CCNY: variants seen among roughly 807,000 people sequenced by gnomAD.
CCNY encodes cyclin Y.
In CCNY, 19 loss-of-function variants were observed where a neutral mutation model predicts 42.8. The observed-to-expected ratio is 0.44, with a 90% CI of 0.31 to 0.65. The LOEUF (loss-of-function observed/expected upper bound fraction) is 0.65, where lower values mean the gene tolerates loss of function less well. CCNY is among the 30% of genes least tolerant of loss of function. The pLI, the probability that CCNY is intolerant of heterozygous loss-of-function variation, is 0.07. For synonymous variants in CCNY, 165 were observed against 162.7 expected (o/e 1.01, Z -0.11); for missense variants, 370 against 437.3 (o/e 0.85, Z 1.37).
rs76025013 is a variant in CCNY, at chr10:35,312,430, C to T, written c.-9+61804C>T. On this transcript the variant is annotated intron_variant, in intron 3 of 11. Transcript: ENST00000374706. ...AAAATGTTAATTAGGTACTTGTAAA[C>T]CCCTGTCTGTGCAAACTAATGCATG... Among the ~76,000 whole-genome samples, 18 of 149,472 alleles carry T rather than the reference C, an allele frequency of 1.2e-4. No homozygotes were observed. In the East Asian group the frequency reaches 3.2e-3, roughly 26 times the overall value.
chr10:35,551,993 C>T (rs1176603288), intron 7 of CCNY, among the ~76,000 whole-genome samples: 2 of 152,082 alleles, frequency 1.3e-5, no homozygotes, highest in Non-Finnish European at 2.9e-5. Flanking sequence ...TAGGATTACC[C>T]TATGATCCAG....
chr10:35,534,974 CATAT>C (rs763722293), intron 7 of CCNY, among the ~76,000 whole-genome samples: 2 of 134,828 alleles, frequency 1.5e-5, no homozygotes, highest in African/African-American at 2.8e-5. Flanking sequence ...CACACACACA[CATAT>C]ATATATATAG....
At chr10:35,562,312 T>G (rs1363983348) in intron 8 of CCNY, among the ~76,000 whole-genome samples, 1 of 152,188 alleles carries the variant, frequency 6.6e-6, no homozygotes, top group East Asian at 1.9e-4. Context: ...TGTAGTAAAA[T>G]GTATGTAGCA....
intron 4 of CCNY, among the ~76,000 whole-genome samples, chr10:35,520,475 C>G (rs1318058050): frequency 1.3e-5 from 2 of 152,266 alleles, no homozygotes; most frequent in East Asian, 3.9e-4. Flanking sequence ...AGTTCAGCTT[C>G]ATGGTGGGCA....
At chr10:35,411,072 A>C (rs752677432) in intron 1 of CCNY, among the ~76,000 whole-genome samples, 5 of 152,194 alleles carry the variant, frequency 3.3e-5, no homozygotes, top group Non-Finnish European at 7.3e-5. Context: ...TTTTGTCAGA[A>C]TACTCTGGCC....
At chr10:35,437,007 G>C (rs759142580) in intron 1 of CCNY, among the ~76,000 whole-genome samples, 1 of 152,188 alleles carries the variant, frequency 6.6e-6, no homozygotes, top group African/African-American at 2.4e-5. Flanking sequence ...CATGTCTTAC[G>C]TGTCAGCAGG....
chr10:35,559,722 G>A (rs1432666213), intron 8 of CCNY, among the ~76,000 whole-genome samples: 1 of 152,222 alleles, frequency 6.6e-6, no homozygotes, highest in Non-Finnish European at 1.5e-5. Flanking sequence ...TGTCTGGCAT[G>A]ACTTGTGATA....
In CCNY at chr10:35,407,172, T is replaced by C. The variant is rs1264559281; in HGVS notation, c.154+69965T>C. Among the ~76,000 whole-genome samples, 2 of 152,028 alleles carry C rather than the reference T, an allele frequency of 1.3e-5. 1 individual carries two copies. The highest frequency in any genetic ancestry group is 4.8e-5 in the African/African-American group (2 of 41,402). On this transcript the variant is annotated intron_variant, in intron 1 of 9. Transcript: ENST00000374704. Reference sequence around the variant, plus strand: ...CTCCAGCCACCTCTTTAAGAGGAAATTGTTGGGCAGGTCGGGGAGGGCTAG... The same window carrying C: ...CTCCAGCCACCTCTTTAAGAGGAAACTGTTGGGCAGGTCGGGGAGGGCTAG...
chr10:35,485,724 C>CAAAA (rs60570748), intron 2 of CCNY, among the ~76,000 whole-genome samples: 4 of 97,784 alleles, frequency 4.1e-5, no homozygotes, highest in African/African-American at 1.1e-4. Context: ...GACTCCGTCT[C>CAAAA]AAAAAAAAAA....
In CCNY at chr10:35,355,767, A is replaced by T. The variant is rs574647138; in HGVS notation, c.154+18560A>T. On this transcript the variant is annotated intron_variant, in intron 1 of 9. Coordinates refer to ENST00000374704, the MANE Select transcript of CCNY (RefSeq NM_145012.6). Reference sequence around the variant, plus strand: ...TAATTATTTAAAAAATGTCTCTGAGACTAGTATTAACCTGGAAAACTTACT... The same window carrying T: ...TAATTATTTAAAAAATGTCTCTGAGTCTAGTATTAACCTGGAAAACTTACT... 6.0e-5 allele frequency among the ~76,000 whole-genome samples: 9 copies of T among 150,986 alleles called. No homozygotes were observed. In the South Asian group the frequency reaches 1.9e-3, roughly 32 times the overall value.
chr10:35,462,645 T>C (rs1839181392), intron 1 of CCNY, among the ~76,000 whole-genome samples: 1 of 152,224 alleles, frequency 6.6e-6, no homozygotes, highest in Admixed American at 6.5e-5. Flanking sequence ...GCAGCTGCTC[T>C]CTGTGACAGC....
intron 1 of CCNY, among the ~76,000 whole-genome samples, chr10:35,477,697 A>C (rs1176534313): frequency 6.7e-6 from 1 of 150,320 alleles, no homozygotes; most frequent in African/African-American, 2.4e-5. Context: ...AATGGGCAAA[A>C]ACTGGAAGCA....
At chr10:35,472,940 T>C (rs1219518666) in intron 1 of CCNY, among the ~76,000 whole-genome samples, 2 of 152,170 alleles carry the variant, frequency 1.3e-5, no homozygotes, top group African/African-American at 4.8e-5. Flanking sequence ...TAGCATATAG[T>C]GGAGACTCAA....
intron 8 of CCNY, among the ~76,000 whole-genome samples, chr10:35,554,712 G>A (rs933083455): frequency 1.3e-5 from 2 of 152,130 alleles, no homozygotes; most frequent in African/African-American, 4.8e-5. Flanking sequence ...AGGGCCCCCC[G>A]ACCATGACTA....
chr10:35,462,419 C>G (rs1338814947), intron 1 of CCNY, among the ~76,000 whole-genome samples: 1 of 152,186 alleles, frequency 6.6e-6, no homozygotes, highest in Admixed American at 6.5e-5. Context: ...CTCATCTCAC[C>G]CTTCTGGTAT....
intron 1 of CCNY, among the ~76,000 whole-genome samples, chr10:35,450,619 C>A (rs978544785): frequency 6.6e-6 from 1 of 151,744 alleles, no homozygotes; most frequent in South Asian, 2.1e-4. Flanking sequence ...GGGTTCCCAT[C>A]ATTGTGGAGC....
At chr10:35,441,929 A>C (rs1381710208) in intron 1 of CCNY, among the ~76,000 whole-genome samples, 1 of 152,276 alleles carries the variant, frequency 6.6e-6, no homozygotes, top group African/African-American at 2.4e-5. Flanking sequence ...GTATGATTTA[A>C]AATGATCATA....
chr10:35,501,189 A>G (rs1436475080), intron 2 of CCNY, among the ~76,000 whole-genome samples: 1 of 152,190 alleles, frequency 6.6e-6, no homozygotes, highest in African/African-American at 2.4e-5. Context: ...ATAGATGCAT[A>G]TGAGTTTTAT....
intron 3 of CCNY, among the ~76,000 whole-genome samples, chr10:35,313,898 C>G (rs1394622650): frequency 6.7e-6 from 1 of 150,346 alleles, no homozygotes; most frequent in Non-Finnish European, 1.5e-5. Context: ...ATCACTTCAG[C>G]CTGGGAGGCG....
Sources: gnomAD v4.1 joint callset for allele counts (sites outside exome capture counted in the v4.1 genomes callset) on GRCh38, gnomAD v4.1.1 for gene constraint, MANE v1.5 for transcripts, NCBI Gene and HGNC (gene_info 2026-07-23, HGNC 2026-07-21) for gene names.